The following CCDC146 variants were observed in gnomAD, a reference collection of about 807,000 sequenced individuals.
The protein encoded by CCDC146 is coiled-coil domain containing 146, also known as coiled-coil domain-containing protein 146.
CCDC146 carries 92 observed loss-of-function variants against 119.3 expected under a neutral mutation model. That is an observed-to-expected ratio of 0.77 (90% CI 0.65 to 0.92). The LOEUF (loss-of-function observed/expected upper bound fraction) is 0.92. Ranked by LOEUF, CCDC146 falls within the 40% of genes least tolerant of loss-of-function variation. The pLI is 0.00. For synonymous variants in CCDC146, 372 were observed against 371.8 expected (o/e 1.00, Z -0.01); for missense variants, 1,000 against 1,103.0 (o/e 0.91, Z 1.32).
At chr7:77,160,426 G>A (rs888558393) in intron 1 of CCDC146, among the ~76,000 whole-genome samples, 9 of 152,196 alleles carry the variant, frequency 5.9e-5, no homozygotes, top group Non-Finnish European at 8.8e-5. Context: ...CCATTTGTTT[G>A]TATCCTCTTT....
At chr7:77,199,660 C>T (rs1791947873) in intron 2 of CCDC146, 1 of 1,614,212 alleles carries the variant, frequency 6.2e-7, no homozygotes, top group Non-Finnish European at 8.5e-7. Flanking sequence ...TTTCCCTCTG[C>T]TTTCTAGTCT....
chr7:77,161,686 T>C (rs1002688123), intron 1 of CCDC146, among the ~76,000 whole-genome samples: 4 of 150,632 alleles, frequency 2.7e-5, no homozygotes, highest in Middle Eastern at 3.4e-3. Context: ...TACCTAATGC[T>C]AAATGACGAG....
intron 2 of CCDC146, among the ~76,000 whole-genome samples, chr7:77,216,081 C>A (rs7788171): frequency 0.19 from 28,494 of 151,622 alleles, 3,764 homozygotes; most frequent in African/African-American, 0.35. Context: ...AGTCTTTTTT[C>A]AATTCATAGT....
chr7:77,271,936 G>A (rs922859150), intron 9 of CCDC146, among the ~76,000 whole-genome samples: 3 of 152,028 alleles, frequency 2.0e-5, no homozygotes, highest in East Asian at 1.9e-4. Flanking sequence ...CCTCATAAGG[G>A]TTCCTGGGCC....
chr7:77,267,707 T>C (rs943577285), intron 9 of CCDC146, among the ~76,000 whole-genome samples: 1 of 152,188 alleles, frequency 6.6e-6, no homozygotes, highest in Non-Finnish European at 1.5e-5. Flanking sequence ...CCATGTGATA[T>C]TATATAATTA....
chr7:77,167,786 G>A lies in CCDC146; in HGVS notation c.118G>A (p.Asp40Asn), dbSNP rs111982038. The A allele has an allele frequency of 0.013, 20,968 of 1,607,828 alleles. 45 individuals are homozygous for A. In the African/African-American group the frequency reaches 0.25, roughly 19 times the overall value. ...TAACATTCAAGATGAGCGGTTTGTT[G>A]ATTTATCTGAAACTCCAGCTTTCAT... Reference protein sequence around the residue: ...TINIQDERFVDLSETPAFIFL... With the variant: ...TINIQDERFVNLSETPAFIFL... Residue 40 changes from aspartate to asparagine, a missense_variant, in exon 2 of 19, where the codon GAT becomes AAT. This residue lies in a region of CCDC146 where 15 missense variants were observed against 57.7 expected (regional missense o/e 0.26). Transcript: ENST00000285871.
rs754555358 is a variant in CCDC146 at position 77,280,622 on chromosome 7, T to A, written c.1888T>A (p.Tyr630Asn). 7.4e-6 allele frequency: 12 copies of A among 1,613,354 alleles called. No homozygotes were observed. In the East Asian group the frequency reaches 2.5e-4, roughly 33 times the overall value. Residue 630 changes from tyrosine (Y) to asparagine (N), a missense_variant, in exon 14 of 19, where the codon TAC (tyrosine) becomes AAC (asparagine). Coordinates refer to ENST00000285871, the MANE Select transcript of CCDC146 (RefSeq NM_020879.3). ...GGAGATGGTGCAGCTTCGCAAAAGATACGAAAAAGCTGTTCAGCATCGAAA... is the reference window on the plus strand; with the variant it reads ...GGAGATGGTGCAGCTTCGCAAAAGAAACGAAAAAGCTGTTCAGCATCGAAA... Reference protein sequence around the residue: ...EEEMVQLRKRYEKAVQHRNES... With the variant: ...EEEMVQLRKRNEKAVQHRNES...
intron 9 of CCDC146, among the ~76,000 whole-genome samples, chr7:77,266,434 T>C (rs1327139090): frequency 6.6e-6 from 1 of 152,236 alleles, no homozygotes; most frequent in Admixed American, 6.5e-5. Context: ...ATTGAATTCC[T>C]ACCTATGTTA....
At chr7:77,276,440 T>C (rs1286715587) in intron 11 of CCDC146, among the ~76,000 whole-genome samples, 1 of 152,020 alleles carries the variant, frequency 6.6e-6, no homozygotes, top group Non-Finnish European at 1.5e-5. Context: ...GCACTTCACA[T>C]CCCCCTTTCA....
intron 2 of CCDC146, chr7:77,199,094 A>C: frequency 8.8e-7 from 1 of 1,140,312 alleles, no homozygotes; most frequent in Non-Finnish European, 1.3e-6. Context: ...CATCTATTTA[A>C]CTTACTGACT....
At chr7:77,206,624 C>T (rs986557597) in intron 2 of CCDC146, among the ~76,000 whole-genome samples, 4 of 149,238 alleles carry the variant, frequency 2.7e-5, no homozygotes, top group Non-Finnish European at 5.9e-5. Flanking sequence ...CAAAGCGAAA[C>T]TCTGTCTCCA....
At chr7:77,204,282 C>G (rs896181261) in intron 2 of CCDC146, among the ~76,000 whole-genome samples, 1 of 151,812 alleles carries the variant, frequency 6.6e-6, no homozygotes, top group South Asian at 2.1e-4. Context: ...TTTAATATTC[C>G]TTAGAGGTCT....
At chr7:77,199,778 A>G in intron 2 of CCDC146, 1 of 1,613,934 alleles carries the variant, frequency 6.2e-7, no homozygotes, top group South Asian at 1.1e-5. Flanking sequence ...AGCCAGTACC[A>G]GTTAGCCAGC....
chr7:77,206,878 CAATT>C (rs1490979792), intron 2 of CCDC146, among the ~76,000 whole-genome samples: 4 of 151,976 alleles, frequency 2.6e-5, no homozygotes, highest in African/African-American at 7.2e-5. Flanking sequence ...GTTGCTTAAA[CAATT>C]AAACTATTAT....
intron 1 of CCDC146, among the ~76,000 whole-genome samples, chr7:77,146,936 C>T (rs969140987): frequency 2.6e-5 from 4 of 152,090 alleles, no homozygotes; most frequent in Non-Finnish European, 4.4e-5. Context: ...CTCTGTATTT[C>T]CTGAATTTGA....
rs544964259 is a variant in CCDC146, at chr7:77,187,503, G to A, written c.156+19679G>A. 4.6e-5 allele frequency among the ~76,000 whole-genome samples: 7 copies of A among 152,288 alleles called. 1 individual carries two copies. The South Asian group carries it at 1.4e-3, about 32-fold the overall frequency. The stretch of plus-strand genomic sequence containing the variant: ...TGGCCAGGTTCTCACTTAGGTGAGA[G>A]TGTGACCAAAACTTAGGGCCTCAGC... On this transcript the variant is annotated intron_variant, in intron 2 of 18. Transcript: ENST00000285871.
chr7:77,187,238 G>A (rs995049466), intron 2 of CCDC146, among the ~76,000 whole-genome samples: 1 of 152,154 alleles, frequency 6.6e-6, no homozygotes, highest in African/African-American at 2.4e-5. Flanking sequence ...TTTGCAAGGA[G>A]GGAATAAGGA....
intron 1 of CCDC146, among the ~76,000 whole-genome samples, chr7:77,151,379 C>T (rs1308154344): frequency 4.6e-5 from 7 of 151,798 alleles, no homozygotes; most frequent in African/African-American, 1.7e-4. Flanking sequence ...TGCCAGTGAG[C>T]GAGGGGATGG....
At chr7:77,243,544 G>T (rs1229453709) in intron 4 of CCDC146, among the ~76,000 whole-genome samples, 1 of 152,160 alleles carries the variant, frequency 6.6e-6, no homozygotes, top group Non-Finnish European at 1.5e-5. Flanking sequence ...ACCACATAAT[G>T]GTGTTTCAGT....
Sources: gnomAD v4.1 joint callset for allele counts (sites outside exome capture counted in the v4.1 genomes callset) on GRCh38, gnomAD v4.1.1 for gene constraint, gnomAD v4.1.1 regional missense constraint, MANE v1.5 for transcripts, NCBI Gene and HGNC (gene_info 2026-07-23, HGNC 2026-07-21) for gene names.